S100A10: variants seen among roughly 807,000 people sequenced by gnomAD.
S100A10 encodes protein S100-A10.
S100A10 carries 3 observed loss-of-function variants against 7.1 expected under a neutral mutation model. That is an observed-to-expected ratio of 0.42 (90% CI 0.19 to 1.10). The LOEUF (loss-of-function observed/expected upper bound fraction) is 1.10, where lower values mean the gene tolerates loss of function less well. S100A10 is among the 50% of genes least tolerant of loss of function. The probability of loss-of-function intolerance (pLI) is 0.29; values close to 1 mark genes in which losing one functional copy is unlikely to be tolerated. For synonymous variants in S100A10, 41 were observed against 39.3 expected (o/e 1.04, Z -0.16); for missense variants, 101 against 118.1 (o/e 0.86, Z 0.67).
intron 2 of S100A10, among the ~76,000 whole-genome samples, 157 bp downstream of exon 2, chr1:151,985,942 G>A (rs1277792440): frequency 6.6e-6 from 1 of 152,128 alleles, no homozygotes; most frequent in African/African-American, 2.4e-5. Flanking sequence ...ATAAATGAAT[G>A]AATGAGGTCA....
At position 151,982,959 on chromosome 1, in the gene S100A10, C is replaced by T. The variant is rs1319486435; in HGVS notation, c.*204G>A. ...TTTATTTATTGAGGGCAAGGGGATG[C>T]AAACAATACAAAAATCAAAAGCTTA... is the stretch of plus-strand genomic sequence containing the variant. On this transcript the variant is annotated 3_prime_UTR_variant, in exon 3 of 3. Transcript: ENST00000368811. The T allele has an allele frequency of 2.4e-6, 1 of 411,366 alleles. No homozygotes were observed. The highest frequency in any genetic ancestry group is 2.0e-5 in the African/African-American group (1 of 49,392). 25.5% of individuals were successfully genotyped at this position (411,366 alleles called of 1,614,324 possible). A position where few individuals can be genotyped will look rare whatever the true frequency, so the allele number is the denominator to read the frequency against.
intron 1 of S100A10, among the ~76,000 whole-genome samples, chr1:151,992,017 T>C (rs1193626597): frequency 2.6e-5 from 4 of 151,914 alleles, no homozygotes; most frequent in Non-Finnish European, 4.4e-5. Flanking sequence ...GATAAGAAAC[T>C]CCAAATGGTG....
At position 151,986,168 on chromosome 1, in the gene S100A10, C is replaced by T. The variant is rs767080260; in HGVS notation, c.63G>A (p.Gly21=). The T allele has an allele frequency of 4.3e-6, 7 of 1,610,250 alleles. No individual in the cohort carries two copies. The African/African-American group carries it at 6.7e-5, about 15-fold the overall frequency. The change falls in exon 2 of 3, where the codon GGG becomes GGA. Residue 21 remains glycine, a synonymous_variant. Coordinates refer to ENST00000368811, the MANE Select transcript of S100A10 (RefSeq NM_002966.3). ...TMMFTFHKFA[G]DKGYLTKEDL... is the part of the protein sequence containing the mutation. ...CCTCCTTTGTTAAGTAGCCTTTATC[C>T]CCAGCGAATTTGTGAAATGTAAACA...
chr1:151,991,029 G>A (rs1404374085), intron 1 of S100A10, among the ~76,000 whole-genome samples: 2 of 152,084 alleles, frequency 1.3e-5, no homozygotes, highest in Admixed American at 1.3e-4. Context: ...TTTCAAAGAG[G>A]ACACTTCTGC....
chr1:151,983,327 G>GAA lies in S100A10; in HGVS notation c.133-5_133-4dup, dbSNP rs149887365. 2.3e-4 allele frequency: 316 copies of GAA among 1,384,950 alleles called. No individual in the cohort carries two copies. Among genetic ancestry groups the GAA allele is most frequent in the African/African-American group, 8.6e-4 (57 of 66,624 alleles). 85.8% of individuals were successfully genotyped at this position (1,384,950 alleles called of 1,614,324 possible). A position where few individuals can be genotyped will look rare whatever the true frequency, so the allele number is the denominator to read the frequency against. On this transcript the variant is annotated splice_region_variant and splice_polypyrimidine_tract_variant and intron_variant, in intron 2 of 2. Coordinates refer to ENST00000368811, the MANE Select transcript of S100A10 (RefSeq NM_002966.3). ...ACAGCCAGAGGGTCTTTTTGATTCT[G>GAA]AAAAAAAAAAGAACAAAGGCAAGAA...
chr1:151,992,237 G>A (rs1027960966), intron 1 of S100A10, among the ~76,000 whole-genome samples: 1 of 152,172 alleles, frequency 6.6e-6, no homozygotes, highest in South Asian at 2.1e-4. Context: ...AAAGATCACC[G>A]ACTGGGTGTT....
rs372151583 is a variant in S100A10, at chr1:151,985,883, T to TTC, written c.132+215_132+216insGA. On this transcript the variant is annotated intron_variant, in intron 2 of 2. Coordinates refer to ENST00000368811, the MANE Select transcript of S100A10 (RefSeq NM_002966.3). ...AGGTTGGGGCTGTGTCTTCATTACTTTGTTTCCTCAACAGTATCTTACAAA... is the reference window on the plus strand; with the variant it reads ...AGGTTGGGGCTGTGTCTTCATTACTTTCTGTTTCCTCAACAGTATCTTACAAA... 1.7e-3 allele frequency among the ~76,000 whole-genome samples: 266 copies of TTC among 152,340 alleles called. 5 individuals carry two copies. The East Asian group carries it at 0.026, about 15-fold the overall frequency.
chr1:151,989,797 C>A (rs1655868670), intron 1 of S100A10, among the ~76,000 whole-genome samples: 1 of 152,208 alleles, frequency 6.6e-6, no homozygotes, highest in Non-Finnish European at 1.5e-5. Context: ...CATTTCCACC[C>A]TCACGTAGCC....
chr1:151,990,440 T>C (rs1410312645), intron 1 of S100A10, among the ~76,000 whole-genome samples: 1 of 152,214 alleles, frequency 6.6e-6, no homozygotes, highest in Admixed American at 6.5e-5. Flanking sequence ...CCACTCACCT[T>C]TTATTGAAGT....
chr1:151,986,820 T>A (rs1321118961), intron 1 of S100A10, among the ~76,000 whole-genome samples: 1 of 152,204 alleles, frequency 6.6e-6, no homozygotes, highest in East Asian at 1.9e-4. Context: ...GGAGATTAGA[T>A]CATCCATCTG....
chr1:151,986,807 G>C (rs148599515), intron 1 of S100A10, among the ~76,000 whole-genome samples: 3 of 152,146 alleles, frequency 2.0e-5, no homozygotes, highest in African/African-American at 7.2e-5. Flanking sequence ...TAATTGGAAA[G>C]ATGGAGATTA....
chr1:151,991,191 T>C (rs1201091118), intron 1 of S100A10, among the ~76,000 whole-genome samples: 1 of 152,146 alleles, frequency 6.6e-6, no homozygotes, highest in Non-Finnish European at 1.5e-5. Flanking sequence ...GCTTTAGAAA[T>C]TTTGGAGTTT....
intron 1 of S100A10, among the ~76,000 whole-genome samples, chr1:151,991,500 T>C (rs577652210): frequency 2.4e-4 from 36 of 152,310 alleles, no homozygotes; most frequent in African/African-American, 8.2e-4. Flanking sequence ...GTTAAATCCT[T>C]TGGTAGGATG....
chr1:151,983,397 G>C (rs535131227), intron 2 of S100A10, 73 bp from the exon 3 acceptor site: 2 of 963,502 alleles, frequency 2.1e-6, no homozygotes, highest in Admixed American at 2.8e-5. Flanking sequence ...GATTTGTACT[G>C]CTGAGAACTG....
intron 1 of S100A10, among the ~76,000 whole-genome samples, chr1:151,987,538 CTTTTTTTTTTT>C (rs11383937): frequency 8.6e-6 from 1 of 116,324 alleles, no homozygotes; most frequent in Non-Finnish European, 1.7e-5. Flanking sequence ...TATATGTATT[CTTTTTTTTTTT>C]TTTTTTTTGA....
At chr1:151,987,402 A>G (rs574123302) in intron 1 of S100A10, among the ~76,000 whole-genome samples, 2 of 152,258 alleles carry the variant, frequency 1.3e-5, no homozygotes, top group South Asian at 4.1e-4. Context: ...GGCTGATACT[A>G]ACAATCCACA....
At chr1:151,989,263 GC>G (rs1472556612) in intron 1 of S100A10, among the ~76,000 whole-genome samples, 2 of 152,110 alleles carry the variant, frequency 1.3e-5, no homozygotes, top group African/African-American at 4.8e-5. Flanking sequence ...CTTGCCCACA[GC>G]CATTACGAAG....
chr1:151,985,571 A>G (rs1199226557), intron 2 of S100A10, among the ~76,000 whole-genome samples: 1 of 152,230 alleles, frequency 6.6e-6, no homozygotes, highest in Admixed American at 6.5e-5. Context: ...GTAGTATTAG[A>G]AAAAGAAAAA....
chr1:151,990,885 GTTAAGAA>G (rs1655891237), intron 1 of S100A10, among the ~76,000 whole-genome samples: 1 of 152,238 alleles, frequency 6.6e-6, no homozygotes, highest in Non-Finnish European at 1.5e-5. Flanking sequence ...TCGATGAATT[GTTAAGAA>G]ATTGATAATG....
Sources: allele counts gnomAD v4.1 joint callset (sites outside exome capture counted in the v4.1 genomes callset), GRCh38; gene constraint gnomAD v4.1.1; transcripts MANE v1.5; gene names NCBI Gene and HGNC (gene_info 2026-07-23, HGNC 2026-07-21).